The following MLLT1 variants were observed in gnomAD, a reference collection of about 807,000 sequenced individuals.
MLLT1 encodes the protein MLLT1 super elongation complex subunit.
A neutral mutation model predicts 55.1 loss-of-function variants in MLLT1; 11 were observed. The ratio of observed to expected loss-of-function variants is 0.20; its 90% CI spans 0.13 to 0.33. The LOEUF (loss-of-function observed/expected upper bound fraction) is 0.33. Ranked by LOEUF, MLLT1 falls within the 10% of genes least tolerant of loss-of-function variation. The pLI, the probability that MLLT1 is intolerant of heterozygous loss-of-function variation, is 1.00. For synonymous variants in MLLT1, 323 were observed against 320.1 expected (o/e 1.01, Z -0.10); for missense variants, 536 against 760.6 (o/e 0.70, Z 3.47).
In MLLT1 at chr19:6,212,121, AG is replaced by A; in HGVS notation, c.*920del. ...GAGAGGAAGAGGAGCCTATGGGAGGAGGCCGAGCCCCAGGGCGGCTGATGCG... is the reference window on the plus strand; with the variant it reads ...GAGAGGAAGAGGAGCCTATGGGAGGAGCCGAGCCCCAGGGCGGCTGATGCG... On this transcript the variant is annotated 3_prime_UTR_variant, in exon 12 of 12. Transcript: ENST00000252674. 1 of 1,066,392 alleles carries A rather than the reference AG, an allele frequency of 9.4e-7. No homozygotes were observed. The highest frequency in any genetic ancestry group is 1.1e-6 in the Non-Finnish European group (1 of 879,700). 66.1% of individuals were successfully genotyped at this position (1,066,392 alleles called of 1,614,324 possible).
chr19:6,238,213 G>A (rs561984317), intron 3 of MLLT1, among the ~76,000 whole-genome samples: 28 of 152,346 alleles, frequency 1.8e-4, no homozygotes, highest in African/African-American at 6.7e-4. Flanking sequence ...TTTTTGCAGG[G>A]AACTAGCTGC....
In MLLT1 at chr19:6,230,270, A is replaced by G. The variant is rs1043624413; in HGVS notation, c.420+300T>C. 2.1e-4 allele frequency among the ~76,000 whole-genome samples: 32 copies of G among 152,174 alleles called. No homozygotes were observed. The highest frequency in any genetic ancestry group is 7.7e-4 in the African/African-American group (32 of 41,430). ...CTAGTTACAAGCCAGCTCCAGGCCC[A>G]GCCACGCGGTCAGACCAGCCTCGCG... On this transcript the variant is annotated intron_variant, in intron 4 of 11. Coordinates refer to ENST00000252674, the MANE Select transcript of MLLT1 (RefSeq NM_005934.4). This position sits in a 1 kb window ranked among gnomAD's most constrained non-coding sequence, Gnocchi z 9.0.
rs547009221 is a variant in MLLT1 at position 6,219,101 on chromosome 19, C to A, written c.1111-1060G>T. Among the ~76,000 whole-genome samples the A allele has an allele frequency of 2.8e-4, 43 of 152,258 alleles. 1 individual carries two copies. The highest frequency in any genetic ancestry group is 6.8e-3 in the Middle Eastern group (2 of 294). On this transcript the variant is annotated intron_variant, in intron 6 of 11. Coordinates refer to ENST00000252674, the MANE Select transcript of MLLT1 (RefSeq NM_005934.4). The surrounding 1 kb of genome is among the most constrained non-coding windows in gnomAD (Gnocchi z 4.5). Reference sequence around the variant, plus strand: ...GAGTGCCTGGGAGCCCCCGGCCCCTCCCCTAGCATGTGGAGGAGACAGCCT... The same window carrying A: ...GAGTGCCTGGGAGCCCCCGGCCCCTACCCTAGCATGTGGAGGAGACAGCCT...
chr19:6,236,740 G>C (rs537070735), intron 3 of MLLT1, among the ~76,000 whole-genome samples: 1 of 152,298 alleles, frequency 6.6e-6, no homozygotes, highest in East Asian at 1.9e-4. Flanking sequence ...GGCTACCCCT[G>C]GAAACCAGCC....
At chr19:6,261,732 A>G (rs1054241778) in intron 3 of MLLT1, among the ~76,000 whole-genome samples, 2 of 152,060 alleles carry the variant, frequency 1.3e-5, no homozygotes, top group South Asian at 2.1e-4. Context: ...CCGCGCCAAC[A>G]TTCTGGATAG....
rs1360937009 is a variant in MLLT1, at chr19:6,219,779, A to G, written c.1111-1738T>C. ...CGGCCAAAGGAGGCTGCACAAGGTCAGCAGGGATGGAAGCAGAGAGGATGC... is the reference window on the plus strand; with the variant it reads ...CGGCCAAAGGAGGCTGCACAAGGTCGGCAGGGATGGAAGCAGAGAGGATGC... On this transcript the variant is annotated intron_variant, in intron 6 of 11. Transcript: ENST00000252674. The surrounding 1 kb of genome is among the most constrained non-coding windows in gnomAD (Gnocchi z 4.5). Among the ~76,000 whole-genome samples the G allele has an allele frequency of 1.3e-5, 2 of 152,244 alleles. No individual in the cohort carries two copies. The highest frequency in any genetic ancestry group is 2.9e-5 in the Non-Finnish European group (2 of 68,050).
rs2090758365 is a variant in MLLT1, at chr19:6,210,684, G to A, written c.*2358C>T. On this transcript the variant is annotated 3_prime_UTR_variant, in exon 12 of 12. Transcript: ENST00000252674. This position sits in a 1 kb window ranked among gnomAD's most constrained non-coding sequence, Gnocchi z 4.6. ...AACACAGAGATTTGCACTGGGGGCA[G>A]GCGGCTTAACAGGAAACACGTGGCA... The A allele has an allele frequency of 8.7e-6, 2 of 229,458 alleles. No homozygotes were observed. The highest frequency in any genetic ancestry group is 1.7e-5 in the Non-Finnish European group (2 of 115,728). 14.2% of individuals were successfully genotyped at this position (229,458 alleles called of 1,614,324 possible).
rs537155690 is a variant in MLLT1 at position 6,211,774 on chromosome 19, G to C, written c.*1268C>G. 2.8e-6 allele frequency: 3 copies of C among 1,064,128 alleles called. No individual in the cohort carries two copies. The highest frequency in any genetic ancestry group is 3.4e-6 in the Non-Finnish European group (3 of 878,498). The allele number at this position is 1,064,128 out of a possible 1,614,324, so 65.9% of individuals were successfully genotyped here. A position where few individuals can be genotyped will look rare whatever the true frequency, so the allele number is the denominator to read the frequency against. ...CCCAGCCACGATGGGCTGGCTCCGC[G>C]GGAGCGTCCTGGCCCTGGAAGAGTG... On this transcript the variant is annotated 3_prime_UTR_variant, in exon 12 of 12. Transcript: ENST00000252674. This position sits in a 1 kb window ranked among gnomAD's most constrained non-coding sequence, Gnocchi z 4.6.
Position 6,229,381 on chromosome 19 carries a change from G to C in MLLT1, c.420+1189C>G, listed in dbSNP as rs554339705. Reference sequence around the variant, plus strand: ...TGGACAGACGCCTCCTTCTTCTTAGGAGAACGACGGCCACCAAGGACCTGA... The same window carrying C: ...TGGACAGACGCCTCCTTCTTCTTAGCAGAACGACGGCCACCAAGGACCTGA... On this transcript the variant is annotated intron_variant, in intron 4 of 11. Coordinates refer to ENST00000252674, the MANE Select transcript of MLLT1 (RefSeq NM_005934.4). The surrounding 1 kb of genome is among the most constrained non-coding windows in gnomAD (Gnocchi z 5.2). 6.6e-6 allele frequency among the ~76,000 whole-genome samples: 1 copy of C among 152,036 alleles called. No homozygotes were observed. The highest frequency in any genetic ancestry group is 2.1e-4 in the South Asian group (1 of 4,812).
At chr19:6,244,573 A>T (rs1189591637) in intron 3 of MLLT1, among the ~76,000 whole-genome samples, 1 of 152,196 alleles carries the variant, frequency 6.6e-6, no homozygotes, top group Non-Finnish European at 1.5e-5. Context: ...AAACAACAGT[A>T]AGACGTCCAT....
At chr19:6,239,729 TAC>T (rs199737432) in intron 3 of MLLT1, among the ~76,000 whole-genome samples, 1,749 of 151,502 alleles carry the variant, frequency 0.012, 33 homozygotes, top group African/African-American at 0.04. Flanking sequence ...CCCACACTCA[TAC>T]ACTCAGACTT....
rs146940691 is a variant in MLLT1 at position 6,222,542 on chromosome 19, G to C, written c.689C>G (p.Ser230Trp). 6.2e-7 allele frequency: 1 copy of C among 1,600,892 alleles called. No individual in the cohort carries two copies. Among genetic ancestry groups the C allele is most frequent in the Non-Finnish European group, 8.5e-7 (1 of 1,179,740 alleles). The change falls in exon 6 of 12, where the codon TCG becomes TGG. Residue 230 changes from serine (S) to tryptophan (W), a missense_variant. Transcript: ENST00000252674. This position sits in a 1 kb window ranked among gnomAD's most constrained non-coding sequence, Gnocchi z 4.1. The part of the protein sequence containing the change: ...REQAKSSKDT[S>W]RKLGEGRLPK... ...CAGCCGGCCCTCGCCCAGCTTCCGC[G>C]AGGTGTCCTTGGAGCTTTTGGCCTG...
chr19:6,232,585 G>C (rs1295487133), intron 3 of MLLT1, among the ~76,000 whole-genome samples: 3 of 152,180 alleles, frequency 2.0e-5, no homozygotes, highest in Non-Finnish European at 4.4e-5. Flanking sequence ...TAGATCACGT[G>C]AACTTCGGAA....
At chr19:6,257,331 C>G (rs2091265384) in intron 3 of MLLT1, among the ~76,000 whole-genome samples, 1 of 150,704 alleles carries the variant, frequency 6.6e-6, no homozygotes, top group Non-Finnish European at 1.5e-5. Flanking sequence ...CAAGATCACA[C>G]TACTGCACTC....
intron 7 of MLLT1, 132 bp from the exon 8 acceptor site, chr19:6,216,645 G>A (rs1483445011): frequency 6.3e-6 from 4 of 630,682 alleles, no homozygotes; most frequent in African/African-American, 5.6e-5. Flanking sequence ...CCGTCCACCT[G>A]GGGGTCCCTG....
Position 6,270,471 on chromosome 19 carries a change from T to C in MLLT1, c.193+108A>G, listed in dbSNP as rs2144959940. 1 of 1,211,664 alleles carries C rather than the reference T, an allele frequency of 8.3e-7. No individual in the cohort carries two copies. Among genetic ancestry groups the C allele is most frequent in the Non-Finnish European group, 1.1e-6 (1 of 880,374 alleles). 75.1% of individuals were successfully genotyped at this position (1,211,664 alleles called of 1,614,324 possible). ...CCGAGGGACGCAAGCTGGAACCTCATGGTTGGAGGGGTCCTGCTGCTCCTG... is the reference window on the plus strand; with the variant it reads ...CCGAGGGACGCAAGCTGGAACCTCACGGTTGGAGGGGTCCTGCTGCTCCTG... On this transcript the variant is annotated intron_variant, in intron 2 of 11. Coordinates refer to ENST00000252674, the MANE Select transcript of MLLT1 (RefSeq NM_005934.4). The surrounding 1 kb of genome is among the most constrained non-coding windows in gnomAD (Gnocchi z 7.1).
chr19:6,212,813 G>C lies in MLLT1; in HGVS notation c.*229C>G. ...CCGCTCTCTGAGGGGAGCCCAGAGAGCCCGGGGGGCGGCTCCCGTGTGGCC... is the reference window on the plus strand; with the variant it reads ...CCGCTCTCTGAGGGGAGCCCAGAGACCCCGGGGGGCGGCTCCCGTGTGGCC... On this transcript the variant is annotated 3_prime_UTR_variant, in exon 12 of 12. Coordinates refer to ENST00000252674, the MANE Select transcript of MLLT1 (RefSeq NM_005934.4). 1.1e-6 allele frequency: 1 copy of C among 902,834 alleles called. No homozygotes were observed. Among genetic ancestry groups the C allele is most frequent in the South Asian group, 2.1e-5 (1 of 48,590 alleles). 55.9% of individuals were successfully genotyped at this position (902,834 alleles called of 1,614,324 possible).
At position 6,211,649 on chromosome 19, in the gene MLLT1, GA is replaced by G; in HGVS notation, c.*1392del. The G allele has an allele frequency of 3.8e-6, 4 of 1,064,604 alleles. No homozygotes were observed. The highest frequency in any genetic ancestry group is 4.6e-6 in the Non-Finnish European group (4 of 878,798). The allele number at this position is 1,064,604 out of a possible 1,614,324, so 65.9% of individuals were successfully genotyped here. A position where few individuals can be genotyped will look rare whatever the true frequency, so the allele number is the denominator to read the frequency against. ...TAACTTGGTCAGGGCACAAGGACTT[GA>G]AAGGACTTGAAAGTCAGGGGGTTGA... On this transcript the variant is annotated 3_prime_UTR_variant, in exon 12 of 12. Transcript: ENST00000252674. The surrounding 1 kb of genome is among the most constrained non-coding windows in gnomAD (Gnocchi z 4.6).
chr19:6,215,695 A>T (rs1410920180), intron 8 of MLLT1, among the ~76,000 whole-genome samples: 1 of 152,172 alleles, frequency 6.6e-6, no homozygotes, highest in Non-Finnish European at 1.5e-5. Context: ...GGAGCCACTG[A>T]GGCCTGGAGG....
Sources: allele counts gnomAD v4.1 joint callset (sites outside exome capture counted in the v4.1 genomes callset), GRCh38; gene constraint gnomAD v4.1.1; non-coding constraint Gnocchi (gnomAD v3.1); transcripts MANE v1.5; gene names NCBI Gene and HGNC (gene_info 2026-07-23, HGNC 2026-07-21).